The following VRK3 variants were observed in gnomAD, a reference collection of about 807,000 sequenced individuals.
VRK3 encodes VRK serine/threonine kinase 3.
In VRK3, 50 loss-of-function variants were observed where a neutral mutation model predicts 60.4. The ratio of observed to expected loss-of-function variants is 0.83; its 90% CI spans 0.66 to 1.05. The LOEUF (loss-of-function observed/expected upper bound fraction) is 1.05, where lower values mean the gene tolerates loss of function less well. VRK3 is among the 50% of genes least tolerant of loss of function. The pLI is 0.00. For missense variants in VRK3, 549 were observed against 585.3 expected, an observed-to-expected ratio of 0.94 and a Z score of 0.64; for synonymous variants, 246 against 227.8, an observed-to-expected ratio of 1.08 and a Z score of -0.72.
At position 50,015,023 on chromosome 19, in the gene VRK3, G is replaced by C. The variant is rs571718895; in HGVS notation, c.139+1001C>G. ...CCAACAAGATTTGCTGAAGGGGTGG[G>C]TGTGTCACGGGGTGCGAGACAAAGA... On this transcript the variant is annotated intron_variant, in intron 3 of 14. Coordinates refer to ENST00000316763, the MANE Select transcript of VRK3 (RefSeq NM_016440.4). Among the ~76,000 whole-genome samples the C allele has an allele frequency of 2.1e-3, 320 of 152,174 alleles. 1 individual carries two copies. Among genetic ancestry groups the C allele is most frequent in the African/African-American group, 7.2e-3 (299 of 41,522 alleles).
Position 49,990,325 on chromosome 19 carries a change from TAAAAC to T in VRK3, c.964-559_964-555del, listed in dbSNP as rs370231224. Among the ~76,000 whole-genome samples the T allele has an allele frequency of 1.8e-4, 28 of 152,374 alleles. No homozygotes were observed. The East Asian group carries it at 3.3e-3, about 18-fold the overall frequency. On this transcript the variant is annotated intron_variant, in intron 10 of 14. Transcript: ENST00000316763. The stretch of plus-strand genomic sequence containing the variant: ...GGTTCTTATAAGGCTTAACTGAGTT[TAAAAC>T]AAAAGTTAAATGCTTTCTGCCTGAT...
chr19:49,976,961 G>A lies in VRK3; in HGVS notation c.*12-177C>T, dbSNP rs1298001070. On this transcript the variant is annotated intron_variant, in intron 14 of 14. Coordinates refer to ENST00000316763, the MANE Select transcript of VRK3 (RefSeq NM_016440.4). ...GCTGGGCTTAGGATGAGGAGGAGGC[G>A]GGTGGAGACTACACACTAAACACAC... is the stretch of plus-strand genomic sequence containing the variant. Among the ~76,000 whole-genome samples, 5 of 152,162 alleles carry A rather than the reference G, an allele frequency of 3.3e-5. No individual in the cohort carries two copies. The South Asian group carries it at 6.2e-4, about 19-fold the overall frequency.
chr19:49,988,992 T>C (rs1483960643), intron 11 of VRK3, among the ~76,000 whole-genome samples: 2 of 152,236 alleles, frequency 1.3e-5, no homozygotes, highest in Non-Finnish European at 2.9e-5. Context: ...TTCCTGAGCA[T>C]AAGACAACGC....
At chr19:50,006,320 A>T (rs867075012) in intron 5 of VRK3, among the ~76,000 whole-genome samples, 3 of 137,166 alleles carry the variant, frequency 2.2e-5, no homozygotes, top group African/African-American at 1.1e-4. Flanking sequence ...AAAAAAATAA[A>T]AAATAATAAA....
At chr19:49,981,606 T>C (rs2076423322) in intron 12 of VRK3, 2 of 688,270 alleles carry the variant, frequency 2.9e-6, no homozygotes, top group Non-Finnish European at 1.8e-6. Flanking sequence ...GAAATACATC[T>C]TATGTAATAA....
intron 5 of VRK3, among the ~76,000 whole-genome samples, chr19:50,002,495 G>A (rs114777437): frequency 6.6e-6 from 1 of 152,182 alleles, no homozygotes; most frequent in Non-Finnish European, 1.5e-5. Flanking sequence ...CATAGTAACA[G>A]TGCCTGTCTC....
intron 3 of VRK3, among the ~76,000 whole-genome samples, chr19:50,009,999 T>C (rs545403714): frequency 6.6e-6 from 1 of 152,216 alleles, no homozygotes; most frequent in South Asian, 2.1e-4. Flanking sequence ...CAGCTATGTC[T>C]AGTCTGCTGT....
chr19:49,977,824 C>T (rs2122975081), intron 14 of VRK3, among the ~76,000 whole-genome samples: 1 of 152,178 alleles, frequency 6.6e-6, no homozygotes, highest in East Asian at 1.9e-4. Flanking sequence ...CTCTCGGCAC[C>T]ACTGGTTGAG....
chr19:50,015,806 A>T, intron 3 of VRK3: 1 of 604,660 alleles, frequency 1.7e-6, no homozygotes. Context: ...GGAGATAGAA[A>T]TGAAGGAGAT....
chr19:49,988,421 A>G lies in VRK3; in HGVS notation c.1168T>C (p.Trp390Arg), dbSNP rs1262016877. The change falls in exon 12 of 15, where the codon TGG becomes CGG. Residue 390 changes from tryptophan to arginine, a missense_variant. By Grantham distance (101) the Trp-to-Arg change is moderately radical. Transcript: ENST00000316763. ...TCAGTGTTGGGAAGGCAATTTGTCC[A>G]TGGCAGAAACCCGTAGAGCCACTTC... ...MLKWLYGFLP[W>R]TNCLPNTEDI... 1 of 1,613,550 alleles carries G rather than the reference A, an allele frequency of 6.2e-7. No homozygotes were observed. The highest frequency in any genetic ancestry group is 1.7e-5 in the Admixed American group (1 of 59,984).
At chr19:50,021,673 T>C (rs1019020747) in intron 1 of VRK3, among the ~76,000 whole-genome samples, 3 of 152,220 alleles carry the variant, frequency 2.0e-5, no homozygotes, top group Non-Finnish European at 4.4e-5. Flanking sequence ...TCCTGGCCCA[T>C]AGGATCCATG....
At chr19:50,021,766 G>A (rs1317859065) in intron 1 of VRK3, among the ~76,000 whole-genome samples, 1 of 152,248 alleles carries the variant, frequency 6.6e-6, no homozygotes, top group Non-Finnish European at 1.5e-5. Flanking sequence ...GGGAGTCCCT[G>A]CTGCACAGAG....
chr19:49,977,317 C>T (rs1194565655), intron 14 of VRK3, among the ~76,000 whole-genome samples: 3 of 152,014 alleles, frequency 2.0e-5, no homozygotes, highest in Admixed American at 6.6e-5. Flanking sequence ...TCAAGGTGCT[C>T]GAAGATCACT....
At chr19:49,989,200 C>T (rs1317912641) in intron 11 of VRK3, among the ~76,000 whole-genome samples, 1 of 152,078 alleles carries the variant, frequency 6.6e-6, no homozygotes, top group Non-Finnish European at 1.5e-5. Flanking sequence ...CTGCCCTGGG[C>T]CCTCTTCCTA....
rs547334502 is a variant in VRK3 at position 50,010,427 on chromosome 19, T to C, written c.140-1042A>G. 3.3e-5 allele frequency among the ~76,000 whole-genome samples: 5 copies of C among 152,370 alleles called. No individual in the cohort carries two copies. In the South Asian group the frequency reaches 8.3e-4, roughly 25 times the overall value. On this transcript the variant is annotated intron_variant, in intron 3 of 14. Coordinates refer to ENST00000316763, the MANE Select transcript of VRK3 (RefSeq NM_016440.4). ...ACTGGTACTCATGATCCTTGGATGT[T>C]GACCTGTGGTAATTCCCTGATGTTT...
chr19:50,015,661 T>G, intron 3 of VRK3: 1 of 217,972 alleles, frequency 4.6e-6, no homozygotes, highest in Non-Finnish European at 9.4e-6. Context: ...AATGCAAATA[T>G]CCCAAAATCT....
In VRK3 at chr19:49,995,284, A is replaced by C; in HGVS notation, c.680-9T>G. The C allele has an allele frequency of 6.2e-7, 1 of 1,614,042 alleles. No homozygotes were observed. On this transcript the variant is annotated splice_polypyrimidine_tract_variant and intron_variant, in intron 7 of 14. Coordinates refer to ENST00000316763, the MANE Select transcript of VRK3 (RefSeq NM_016440.4). ...CTTCTTCCACTTGTTGACTGCGGAA[A>C]GCAGGGGCTTGAGGTTAGAACCCAC... is the stretch of plus-strand genomic sequence containing the variant.
chr19:50,009,114 C>G, intron 4 of VRK3, 122 bp downstream of exon 4: 1 of 1,202,794 alleles, frequency 8.3e-7, no homozygotes, highest in Non-Finnish European at 1.2e-6. Context: ...CTGCTGGAGT[C>G]AGAGTCCAGG....
At chr19:50,017,169 G>A (rs1423382156) in intron 2 of VRK3, among the ~76,000 whole-genome samples, 3 of 152,042 alleles carry the variant, frequency 2.0e-5, no homozygotes, top group African/African-American at 7.2e-5. Context: ...ACTCCAGCCT[G>A]GACAAGAAGA....
Sources: gnomAD v4.1 joint callset for allele counts (sites outside exome capture counted in the v4.1 genomes callset) on GRCh38, gnomAD v4.1.1 for gene constraint, MANE v1.5 for transcripts, NCBI Gene and HGNC (gene_info 2026-07-23, HGNC 2026-07-21) for gene names.